Variants in VWA8 observed in about 807,000 individuals in gnomAD.
VWA8 encodes the protein von Willebrand factor A domain-containing protein 8.
In VWA8, 221 loss-of-function variants were observed where a neutral mutation model predicts 241.5. The ratio of observed to expected loss-of-function variants is 0.91; its 90% CI spans 0.82 to 1.02. VWA8 has a LOEUF of 1.02. VWA8 is among the 50% of genes least tolerant of loss of function. The pLI, the probability that VWA8 is intolerant of heterozygous loss-of-function variation, is 0.00. For missense variants in VWA8, 2,322 were observed against 2,328.7 expected, an observed-to-expected ratio of 1.00 and a Z score of 0.06; for synonymous variants, 852 against 827.1, an observed-to-expected ratio of 1.03 and a Z score of -0.52.
rs560351502 is a variant in VWA8, at chr13:41,791,125, A to T, written c.2064-3582T>A. 7.3e-3 allele frequency among the ~76,000 whole-genome samples: 1,053 copies of T among 144,816 alleles called. 8 individuals are homozygous for T. Among genetic ancestry groups the T allele is most frequent in the African/African-American group, 0.026 (950 of 36,602 alleles). On this transcript the variant is annotated intron_variant, in intron 17 of 44. Transcript: ENST00000379310. ...TCAATATAAAATGAGTTTTTTTTTT[A>T]AAAAAACAATAAAATACTTTATGAA...
At chr13:41,940,575 T>A (rs1253253621) in intron 2 of VWA8, among the ~76,000 whole-genome samples, 9 of 152,130 alleles carry the variant, frequency 5.9e-5, no homozygotes, top group Non-Finnish European at 1.3e-4. Flanking sequence ...GTTCAACAAA[T>A]ACAATATTTG....
At chr13:41,774,267 G>A (rs1321240844) in intron 20 of VWA8, among the ~76,000 whole-genome samples, 3 of 152,136 alleles carry the variant, frequency 2.0e-5, no homozygotes, top group African/African-American at 7.2e-5. Flanking sequence ...AGCCTCCGAA[G>A]TAGATGGGAC....
intron 2 of VWA8, among the ~76,000 whole-genome samples, chr13:41,941,405 C>T (rs1336743566): frequency 6.6e-6 from 1 of 152,158 alleles, no homozygotes; most frequent in Non-Finnish European, 1.5e-5. Context: ...GACAATGCTT[C>T]ACGTCTAAGT....
Position 41,830,611 on chromosome 13 carries a change from C to A in VWA8, c.1618G>T (p.Asp540Tyr). ...LIHDRELSLY[D>Y]GSRLLREDRY... Reference sequence around the variant, plus strand: ...TCTTCTCTCAGCAGCCTAGAACCATCATAGAGGCTTAGCTCTCGATCATGG... The same window carrying A: ...TCTTCTCTCAGCAGCCTAGAACCATAATAGAGGCTTAGCTCTCGATCATGG... The change falls in exon 14 of 45, where the codon GAT becomes TAT. Residue 540 changes from aspartate to tyrosine, a missense_variant. Asp to Tyr is a radical substitution (Grantham distance 160). Transcript: ENST00000379310. 1 of 1,613,746 alleles carries A rather than the reference C, an allele frequency of 6.2e-7. No individual in the cohort carries two copies. The highest frequency in any genetic ancestry group is 8.5e-7 in the Non-Finnish European group (1 of 1,179,794).
chr13:41,841,139 T>C (rs760165626), intron 12 of VWA8, among the ~76,000 whole-genome samples: 14 of 152,266 alleles, frequency 9.2e-5, no homozygotes, highest in Admixed American at 3.9e-4. Flanking sequence ...ATTATGACAA[T>C]GAACACAGCA....
Position 41,568,310 on chromosome 13 carries a change from C to G in VWA8, c.5610-5G>C. Reference sequence around the variant, plus strand: ...GCTGGTAAAGTTCTCTGAAGCCTGCCAGGATGGAAAGGGAAAGGAAGTTAC... The same window carrying G: ...GCTGGTAAAGTTCTCTGAAGCCTGCGAGGATGGAAAGGGAAAGGAAGTTAC... On this transcript the variant is annotated splice_region_variant and splice_polypyrimidine_tract_variant and intron_variant, in intron 44 of 44. Transcript: ENST00000379310. 1 of 1,613,704 alleles carries G rather than the reference C, an allele frequency of 6.2e-7. No homozygotes were observed. Among genetic ancestry groups the G allele is most frequent in the Non-Finnish European group, 8.5e-7 (1 of 1,179,628 alleles).
intron 21 of VWA8, among the ~76,000 whole-genome samples, chr13:41,755,407 A>T (rs1191456872): frequency 3.3e-5 from 5 of 152,052 alleles, no homozygotes; most frequent in African/African-American, 9.7e-5. Flanking sequence ...GGCCCTTGTT[A>T]AAATGAATAG....
rs371271175 is a variant in VWA8 at position 41,611,649 on chromosome 13, C to T, written c.4804G>A (p.Ala1602Thr). The T allele has an allele frequency of 2.5e-6, 4 of 1,613,976 alleles. No individual in the cohort carries two copies. Among genetic ancestry groups the T allele is most frequent in the Non-Finnish European group, 3.4e-6 (4 of 1,179,980 alleles). Reference sequence around the variant, plus strand: ...TCTTCGGGAACTGCATCTTTCTCAGCCTGAGAGACCTGGTACACCGTATGG... The same window carrying T: ...TCTTCGGGAACTGCATCTTTCTCAGTCTGAGAGACCTGGTACACCGTATGG... ...AGHTVYQVSQ[A>T]EKDAVPEEVK... Residue 1602 changes from alanine (A) to threonine (T), a missense_variant, in exon 39 of 45, where the codon GCT becomes ACT. Coordinates refer to ENST00000379310, the MANE Select transcript of VWA8 (RefSeq NM_015058.2).
At chr13:41,889,374 C>A (rs1157709463) in intron 5 of VWA8, among the ~76,000 whole-genome samples, 1 of 150,582 alleles carries the variant, frequency 6.6e-6, no homozygotes, top group Non-Finnish European at 1.5e-5. Context: ...TCTTTGCGTA[C>A]TAAGCCTATT....
chr13:41,748,415 G>A (rs1197753787), intron 21 of VWA8, among the ~76,000 whole-genome samples: 4 of 152,062 alleles, frequency 2.6e-5, no homozygotes, highest in Admixed American at 6.5e-5. Context: ...TCTGATGGTA[G>A]TTTGCATTTC....
chr13:41,592,475 A>T (rs964589551), intron 40 of VWA8, among the ~76,000 whole-genome samples: 1 of 71,300 alleles, frequency 1.4e-5, no homozygotes, highest in South Asian at 5.5e-4. Flanking sequence ...AATAATAAAA[A>T]AAATAAAATA....
intron 24 of VWA8, among the ~76,000 whole-genome samples, chr13:41,723,347 T>C (rs1045041903): frequency 5.3e-5 from 8 of 152,222 alleles, no homozygotes; most frequent in African/African-American, 1.9e-4. Flanking sequence ...TGCTGAATAA[T>C]CATTCCTCTT....
At chr13:41,847,997 T>C (rs1872362562) in intron 12 of VWA8, among the ~76,000 whole-genome samples, 1 of 152,094 alleles carries the variant, frequency 6.6e-6, no homozygotes, top group Non-Finnish European at 1.5e-5. Context: ...GGCCCAAGGA[T>C]AGTGGGTTAG....
Position 41,675,287 on chromosome 13 carries a change from G to A in VWA8, c.4337C>T (p.Pro1446Leu), listed in dbSNP as rs1365795973. The change falls in exon 36 of 45, where the codon CCT becomes CTT. Residue 1446 changes from proline to leucine, a missense_variant. Physicochemically the swap from Pro to Leu is moderately conservative, Grantham distance 98. Transcript: ENST00000379310. Reference sequence around the variant, plus strand: ...TTCTATATAACCAGATGTTTGTGGAGGAGTAACATCTACAAACAAGTCATG... The same window carrying A: ...TTCTATATAACCAGATGTTTGTGGAAGAGTAACATCTACAAACAAGTCATG... Reference protein sequence around the residue: ...LKDIYPKDVTPPQTSGYIEVT... With the variant: ...LKDIYPKDVTLPQTSGYIEVT... The A allele has an allele frequency of 1.9e-6, 3 of 1,610,646 alleles. No homozygotes were observed. Among genetic ancestry groups the A allele is most frequent in the African/African-American group, 2.7e-5 (2 of 74,780 alleles).
intron 17 of VWA8, among the ~76,000 whole-genome samples, chr13:41,794,826 A>G (rs1869618021): frequency 6.6e-6 from 1 of 152,170 alleles, no homozygotes; most frequent in Non-Finnish European, 1.5e-5. Flanking sequence ...ACTTAAATGT[A>G]AAACCCAAAA....
chr13:41,869,631 C>CAA (rs532296102), intron 9 of VWA8, among the ~76,000 whole-genome samples: 439 of 40,286 alleles, frequency 0.011, 62 homozygotes, highest in South Asian at 0.015. Flanking sequence ...AACTTTGTCT[C>CAA]AAAAAAAAAA....
chr13:41,918,399 A>G (rs535422417), intron 2 of VWA8, among the ~76,000 whole-genome samples: 2 of 152,212 alleles, frequency 1.3e-5, no homozygotes, highest in Admixed American at 6.5e-5. Context: ...ATACATATCC[A>G]TATTCAATGA....
chr13:41,660,881 T>C (rs1476467015), intron 37 of VWA8, among the ~76,000 whole-genome samples: 2 of 147,194 alleles, frequency 1.4e-5, no homozygotes, highest in East Asian at 3.9e-4. Context: ...TTGGGTTTCT[T>C]TTTTTTTTTT....
intron 37 of VWA8, among the ~76,000 whole-genome samples, chr13:41,651,967 T>C (rs1026810552): frequency 1.4e-4 from 21 of 152,244 alleles, no homozygotes; most frequent in Admixed American, 6.5e-5. Flanking sequence ...GTGTGAAACA[T>C]TCTGAATTTG....
Sources: gnomAD v4.1 joint callset for allele counts (sites outside exome capture counted in the v4.1 genomes callset) on GRCh38, gnomAD v4.1.1 for gene constraint, MANE v1.5 for transcripts, NCBI Gene and HGNC (gene_info 2026-07-23, HGNC 2026-07-21) for gene names.